The following MAPK10 variants were observed in gnomAD, a reference collection of about 807,000 sequenced individuals.
MAPK10 encodes JNK3 alpha protein kinase.
Under a neutral mutation model 59.3 loss-of-function variants are expected in MAPK10, and 25 were observed. The observed-to-expected ratio is 0.42, with a 90% CI of 0.31 to 0.59. The LOEUF is 0.59. Ranked by LOEUF, MAPK10 falls within the 20% of genes least tolerant of loss-of-function variation. The pLI is 0.15. For synonymous variants in MAPK10, 190 were observed against 200.5 expected (o/e 0.95, Z 0.44); for missense variants, 351 against 568.9 (o/e 0.62, Z 3.90).
upstream of MAPK10, among the ~76,000 whole-genome samples, chr4:86,454,441 C>A (rs539744849): frequency 1.3e-5 from 2 of 152,122 alleles, no homozygotes; most frequent in East Asian, 1.9e-4. Context: ...CTTCGGGAAA[C>A]AATGGACACA....
At chr4:86,158,104 G>A (rs942698350) in intron 4 of MAPK10, among the ~76,000 whole-genome samples, 2 of 151,894 alleles carry the variant, frequency 1.3e-5, no homozygotes, top group East Asian at 1.9e-4. Context: ...TATACCATGT[G>A]CATTAATATT....
At chr4:86,279,149 A>G (rs2094699156) in intron 2 of MAPK10, among the ~76,000 whole-genome samples, 1 of 152,206 alleles carries the variant, frequency 6.6e-6, no homozygotes, top group South Asian at 2.1e-4. Flanking sequence ...TAAGTCTAAT[A>G]TTATGACAAA....
intron 4 of MAPK10, chr4:86,117,933 A>G (rs1018410395): frequency 6.6e-6 from 1 of 152,224 alleles, no homozygotes; most frequent in Admixed American, 6.5e-5. Flanking sequence ...TATGTTCTGG[A>G]AATCTGATGG....
chr4:86,266,690 C>A (rs1478420307), intron 2 of MAPK10, among the ~76,000 whole-genome samples: 1 of 152,102 alleles, frequency 6.6e-6, no homozygotes, highest in East Asian at 1.9e-4. Flanking sequence ...CTCAGTGAAT[C>A]ATAAATGAAC....
At chr4:86,078,604 TACAC>T (rs35865395) in intron 9 of MAPK10, among the ~76,000 whole-genome samples, 56 of 149,776 alleles carry the variant, frequency 3.7e-4, no homozygotes, top group Admixed American at 1.9e-3. Flanking sequence ...TATATATATA[TACAC>T]ACACACACAC....
chr4:86,374,473 A>C (rs947938187), intron 1 of MAPK10, among the ~76,000 whole-genome samples: 6 of 152,202 alleles, frequency 3.9e-5, no homozygotes, highest in Non-Finnish European at 5.9e-5. Context: ...GAACGGGAGC[A>C]CTAAATCACT....
At chr4:86,360,377 A>G (rs149912587), upstream of MAPK10, among the ~76,000 whole-genome samples, 1,419 of 152,298 alleles carry the variant, frequency 9.3e-3, 19 homozygotes, top group African/African-American at 0.032. Context: ...AAATACCAGC[A>G]GAGCAAAACA....
intron 1 of MAPK10, among the ~76,000 whole-genome samples, chr4:86,548,718 T>C (rs1397880555): frequency 1.3e-5 from 2 of 152,208 alleles, no homozygotes; most frequent in African/African-American, 4.8e-5. Context: ...TGTTTCTTCA[T>C]AGCAGTGTGA....
intron 1 of MAPK10, among the ~76,000 whole-genome samples, chr4:86,387,850 T>C (rs1741696409): frequency 6.6e-6 from 1 of 152,136 alleles, no homozygotes; most frequent in Non-Finnish European, 1.5e-5. Context: ...CTGGTGCTGA[T>C]TTATATGAAA....
chr4:86,590,663 G>A (rs1762976182), intron 1 of MAPK10, among the ~76,000 whole-genome samples: 1 of 152,042 alleles, frequency 6.6e-6, no homozygotes, highest in Non-Finnish European at 1.5e-5. Flanking sequence ...GTGTGCACCT[G>A]TAGTCCTAGC....
intron 4 of MAPK10, among the ~76,000 whole-genome samples, chr4:86,145,905 A>T (rs73837424): frequency 6.6e-6 from 1 of 152,092 alleles, no homozygotes; most frequent in African/African-American, 2.4e-5. Flanking sequence ...TGAGGTTGCA[A>T]GCTATTAACA....
In MAPK10 at chr4:86,109,887, C is replaced by T. The variant is rs753543676; in HGVS notation, c.237-2535G>A. 6.6e-5 allele frequency among the ~76,000 whole-genome samples: 10 copies of T among 152,184 alleles called. No homozygotes were observed. In the East Asian group the frequency reaches 1.9e-3, roughly 29 times the overall value. On this transcript the variant is annotated intron_variant, in intron 4 of 13. Coordinates refer to ENST00000641462, the MANE Select transcript of MAPK10 (RefSeq NM_138982.4). Reference sequence around the variant, plus strand: ...GCATCCCTATCCGCAGCCTTGCCAGCATCTGTTTCTTCTTGACTTTTTAAT... The same window carrying T: ...GCATCCCTATCCGCAGCCTTGCCAGTATCTGTTTCTTCTTGACTTTTTAAT...
At chr4:86,221,657 T>C (rs2089640836) in intron 2 of MAPK10, among the ~76,000 whole-genome samples, 1 of 151,586 alleles carries the variant, frequency 6.6e-6, no homozygotes, top group African/African-American at 2.4e-5. Context: ...TGGCTGATTT[T>C]TGTTTGTTTG....
chr4:86,580,901 T>C (rs2149112320), intron 1 of MAPK10, among the ~76,000 whole-genome samples: 1 of 152,304 alleles, frequency 6.6e-6, no homozygotes, highest in South Asian at 2.1e-4. Context: ...TTCCTGCGGA[T>C]AAACAGCCTG....
chr4:86,335,190 TGA>T (rs1351527206), intron 2 of MAPK10: 1 of 152,186 alleles, frequency 6.6e-6, no homozygotes, highest in African/African-American at 2.4e-5. Context: ...ATCAAATAGC[TGA>T]GATAATCCCT....
chr4:86,256,201 T>G (rs2148726015), intron 2 of MAPK10, among the ~76,000 whole-genome samples: 1 of 152,346 alleles, frequency 6.6e-6, no homozygotes, highest in South Asian at 2.1e-4. Flanking sequence ...GTCTCTACAA[T>G]CAACCAATCT....
chr4:86,548,003 A>G (rs1578076763), intron 1 of MAPK10, among the ~76,000 whole-genome samples: 1 of 152,214 alleles, frequency 6.6e-6, no homozygotes, highest in African/African-American at 2.4e-5. Context: ...AGAGAATAAA[A>G]GCAGGCTGCC....
chr4:86,347,325 T>C (rs1168145565), intron 2 of MAPK10, among the ~76,000 whole-genome samples: 1 of 152,140 alleles, frequency 6.6e-6, no homozygotes, highest in Non-Finnish European at 1.5e-5. Context: ...CACAGAGAAT[T>C]CTTTATGAAG....
At chr4:86,436,723 G>T (rs1170290291) in intron 1 of MAPK10, among the ~76,000 whole-genome samples, 1 of 151,958 alleles carries the variant, frequency 6.6e-6, no homozygotes, top group African/African-American at 2.4e-5. Flanking sequence ...ATTGACTGTT[G>T]TATAGTTAAT....
Sources: allele counts gnomAD v4.1 joint callset (sites outside exome capture counted in the v4.1 genomes callset), GRCh38; gene constraint gnomAD v4.1.1; transcripts MANE v1.5; gene names NCBI Gene and HGNC (gene_info 2026-07-23, HGNC 2026-07-21).